The following ESRRG variants were observed in gnomAD, a reference collection of about 807,000 sequenced individuals.
The protein encoded by ESRRG is estrogen related receptor gamma.
Under a neutral mutation model 44.0 loss-of-function variants are expected in ESRRG, and 13 were observed. That is an observed-to-expected ratio of 0.30 (90% CI 0.19 to 0.47). ESRRG has a LOEUF of 0.47. Among genes scored for constraint, ESRRG ranks in the 20% least tolerant of loss-of-function variants. The pLI is 1.00. For missense variants in ESRRG, 395 were observed against 580.6 expected, an observed-to-expected ratio of 0.68 and a Z score of 3.29; for synonymous variants, 215 against 214.6, an observed-to-expected ratio of 1.00 and a Z score of -0.02.
chr1:216,840,525 T>TC (rs71163767), intron 2 of ESRRG, among the ~76,000 whole-genome samples: 152,305 of 152,306 alleles, frequency 1, 76,152 homozygotes, highest in Middle Eastern at 1. Flanking sequence ...TCAAGAACTT[T>TC]CCTTTACATT....
chr1:217,070,234 A>G (rs145450314), intron 1 of ESRRG, among the ~76,000 whole-genome samples: 182 of 152,372 alleles, frequency 1.2e-3, no homozygotes, highest in African/African-American at 3.9e-3. Context: ...TTAGTTCACA[A>G]TACTTTAAAA....
At chr1:216,916,732 T>C (rs575917151) in intron 2 of ESRRG, among the ~76,000 whole-genome samples, 22 of 151,764 alleles carry the variant, frequency 1.4e-4, no homozygotes, top group African/African-American at 5.1e-4. Flanking sequence ...GGGATCCCAT[T>C]CCTCCACTCC....
At chr1:216,542,545 A>G (rs2053210685) in intron 5 of ESRRG, among the ~76,000 whole-genome samples, 1 of 152,048 alleles carries the variant, frequency 6.6e-6, no homozygotes, top group Non-Finnish European at 1.5e-5. Context: ...ATGAAGGCTT[A>G]TACTTCAATA....
At chr1:216,663,360 A>G (rs2073046860) in intron 2 of ESRRG, among the ~76,000 whole-genome samples, 1 of 152,174 alleles carries the variant, frequency 6.6e-6, no homozygotes, top group Non-Finnish European at 1.5e-5. Flanking sequence ...TGTAAATAGT[A>G]TGCACTGAAA....
At chr1:217,051,154 G>A (rs943394008) in intron 1 of ESRRG, among the ~76,000 whole-genome samples, 15 of 144,984 alleles carry the variant, frequency 1.0e-4, no homozygotes, top group African/African-American at 3.3e-4. Flanking sequence ...CAGCAGTTAC[G>A]TGTCCTCAGG....
intron 1 of ESRRG, among the ~76,000 whole-genome samples, chr1:216,990,453 C>CA (rs991352821): frequency 3.9e-5 from 6 of 151,902 alleles, no homozygotes; most frequent in Admixed American, 3.9e-4. Context: ...TAAAGTTTAG[C>CA]AAAAAGAGTT....
intron 1 of ESRRG, among the ~76,000 whole-genome samples, chr1:216,964,164 C>T (rs1409540290): frequency 1.3e-5 from 2 of 152,136 alleles, no homozygotes; most frequent in Non-Finnish European, 2.9e-5. Flanking sequence ...GCCAAGTTAA[C>T]TAGACTTTGA....
intron 2 of ESRRG, among the ~76,000 whole-genome samples, chr1:216,768,862 G>A (rs944035233): frequency 6.6e-6 from 1 of 152,002 alleles, no homozygotes. Flanking sequence ...TGAATATCTT[G>A]TCTAGGATTA....
chr1:216,608,578 C>T (rs796983133), intron 3 of ESRRG, among the ~76,000 whole-genome samples: 16 of 152,256 alleles, frequency 1.1e-4, no homozygotes, highest in African/African-American at 3.6e-4. Flanking sequence ...ATTACTGGGC[C>T]CTTGTGCATG....
intron 1 of ESRRG, among the ~76,000 whole-genome samples, chr1:216,951,749 G>GTGTGTA (rs1553729523): frequency 6.7e-6 from 1 of 149,960 alleles, no homozygotes; most frequent in African/African-American, 2.5e-5. Flanking sequence ...GTGTGTGTGT[G>GTGTGTA]TGTGTGTGTA....
At chr1:217,092,025 T>C (rs2092353525), upstream of ESRRG, among the ~76,000 whole-genome samples, 1 of 152,192 alleles carries the variant, frequency 6.6e-6, no homozygotes, top group South Asian at 2.1e-4. Flanking sequence ...CACATGCCAG[T>C]TCAGGCAGCT....
At chr1:216,554,144 T>C (rs766147577) in intron 5 of ESRRG, among the ~76,000 whole-genome samples, 5 of 152,010 alleles carry the variant, frequency 3.3e-5, no homozygotes, top group African/African-American at 4.8e-5. Flanking sequence ...GTGGACACAC[T>C]TGGTACGGTG....
intron 3 of ESRRG, among the ~76,000 whole-genome samples, chr1:216,604,623 T>A (rs1435288573): frequency 2.6e-5 from 4 of 152,150 alleles, no homozygotes; most frequent in South Asian, 2.1e-4. Flanking sequence ...CATAAATGGA[T>A]CATCAACCTC....
In ESRRG at chr1:216,730,491, T is replaced by C. The variant is rs1292434819; in HGVS notation, c.-13-53000A>G. Among the ~76,000 whole-genome samples, 4 of 152,282 alleles carry C rather than the reference T, an allele frequency of 2.6e-5. No individual in the cohort carries two copies. The East Asian group carries it at 7.7e-4, about 29-fold the overall frequency. On this transcript the variant is annotated intron_variant, in intron 2 of 7. Coordinates refer to the ESRRG transcript ENST00000359162. ...TCAGTTTTGTTAAATGGCCACACCTTTCCCTACTCTAAACTCTATCTGACT... is the reference window on the plus strand; with the variant it reads ...TCAGTTTTGTTAAATGGCCACACCTCTCCCTACTCTAAACTCTATCTGACT...
intron 3 of ESRRG, among the ~76,000 whole-genome samples, chr1:216,574,714 A>G (rs2061392117): frequency 6.6e-6 from 1 of 152,136 alleles, no homozygotes; most frequent in Non-Finnish European, 1.5e-5. Context: ...AGTAATAATA[A>G]TTTTGAAAAG....
intron 1 of ESRRG, among the ~76,000 whole-genome samples, chr1:217,019,710 T>C (rs148949521): frequency 9.7e-4 from 148 of 152,332 alleles, no homozygotes; most frequent in African/African-American, 3.4e-3. Context: ...TTTGTCTTTA[T>C]AGAAACCAGG....
intron 2 of ESRRG, among the ~76,000 whole-genome samples, chr1:216,803,117 C>T (rs368600214): frequency 6.6e-6 from 1 of 152,026 alleles, no homozygotes; most frequent in African/African-American, 2.4e-5. Flanking sequence ...GACATTACCC[C>T]ACAGTGTCCC....
At chr1:216,511,577 A>ACACACACACAC (rs1553275806) in intron 6 of ESRRG, among the ~76,000 whole-genome samples, 2 of 151,986 alleles carry the variant, frequency 1.3e-5, no homozygotes, top group African/African-American at 2.4e-5. Flanking sequence ...ACAAATACAC[A>ACACACACACAC]ATGAGGTCTA....
chr1:216,722,329 C>T (rs567868434), intron 1 of ESRRG, among the ~76,000 whole-genome samples: 1 of 152,286 alleles, frequency 6.6e-6, no homozygotes, highest in African/African-American at 2.4e-5. Context: ...AACATTTTAT[C>T]TTAACAGTAG....
Sources: gnomAD v4.1 joint callset for allele counts (sites outside exome capture counted in the v4.1 genomes callset) on GRCh38, gnomAD v4.1.1 for gene constraint, MANE v1.5 for transcripts, NCBI Gene and HGNC (gene_info 2026-07-23, HGNC 2026-07-21) for gene names.